THADA: variants seen among roughly 807,000 people sequenced by gnomAD.
THADA encodes the protein THADA armadillo repeat containing.
A neutral mutation model predicts 219.8 loss-of-function variants in THADA; 213 were observed. The observed-to-expected ratio is 0.97, with a 90% CI of 0.87 to 1.09. The LOEUF (loss-of-function observed/expected upper bound fraction) is 1.09. Among genes scored for constraint, THADA ranks in the 50% least tolerant of loss-of-function variants. THADA has a pLI of 0.00. For synonymous variants in THADA, 1,018 were observed against 828.9 expected, an observed-to-expected ratio of 1.23 and a Z score of -3.92; for missense variants, 2,956 against 2,311.3, an observed-to-expected ratio of 1.28 and a Z score of -5.72.
intron 35 of THADA, among the ~76,000 whole-genome samples, chr2:43,286,465 G>C (rs530792559): frequency 1.2e-4 from 18 of 152,344 alleles, no homozygotes; most frequent in African/African-American, 4.1e-4. Context: ...GGTGGTCTGG[G>C]AGTGGTGGCT....
intron 29 of THADA, among the ~76,000 whole-genome samples, chr2:43,352,557 A>C (rs1236104353): frequency 6.6e-6 from 1 of 152,060 alleles, no homozygotes; most frequent in Non-Finnish European, 1.5e-5. Flanking sequence ...GACTAAAAAA[A>C]AAATAATAAT....
At chr2:43,459,852 TAAAAAC>T (rs1683419636) in intron 26 of THADA, among the ~76,000 whole-genome samples, 1 of 152,120 alleles carries the variant, frequency 6.6e-6, no homozygotes, top group Non-Finnish European at 1.5e-5. Context: ...GCCTACTTTT[TAAAAAC>T]AAAAACAAAA....
chr2:43,433,976 A>G (rs942803018), intron 26 of THADA, among the ~76,000 whole-genome samples: 1 of 152,254 alleles, frequency 6.6e-6, no homozygotes, highest in Non-Finnish European at 1.5e-5. Flanking sequence ...GGCATGAGCC[A>G]CTGCGCTCAG....
At chr2:43,400,047 G>A (rs1210203796) in intron 28 of THADA, among the ~76,000 whole-genome samples, 3 of 152,064 alleles carry the variant, frequency 2.0e-5, no homozygotes, top group Admixed American at 2.0e-4. Context: ...TACCGAAAGG[G>A]CTCTTGTATA....
chr2:43,456,047 C>A (rs1682956923), intron 26 of THADA, among the ~76,000 whole-genome samples: 1 of 152,186 alleles, frequency 6.6e-6, no homozygotes, highest in African/African-American at 2.4e-5. Flanking sequence ...CCTTTCCCAA[C>A]AGAGACTCAT....
At position 43,514,620 on chromosome 2, in the gene THADA, T is replaced by A. The variant is rs1558887527; in HGVS notation, c.3375-5840A>T. ...ATATTTTATATATATTTTATATATT[T>A]TATATATATGTATATTTTATATATA... On this transcript the variant is annotated intron_variant, in intron 22 of 37. Transcript: ENST00000405975. Among the ~76,000 whole-genome samples the A allele has an allele frequency of 1.5e-3, 163 of 105,954 alleles. 12 individuals are homozygous for A. Among genetic ancestry groups the A allele is most frequent in the South Asian group, 4.8e-3 (19 of 3,924 alleles). The allele number at this position is 105,954 out of a possible 152,430, so 69.5% of individuals were successfully genotyped here.
At chr2:43,435,027 C>T (rs559124963) in intron 26 of THADA, among the ~76,000 whole-genome samples, 8 of 152,196 alleles carry the variant, frequency 5.3e-5, no homozygotes, top group South Asian at 2.1e-4. Context: ...CGCTAAGAAG[C>T]GAGCTACAAT....
At chr2:43,236,855 A>G (rs1668083304) in intron 36 of THADA, among the ~76,000 whole-genome samples, 1 of 150,754 alleles carries the variant, frequency 6.6e-6, no homozygotes, top group Non-Finnish European at 1.5e-5. Context: ...AGGTCAGGAT[A>G]TCGAGACCAT....
intron 25 of THADA, among the ~76,000 whole-genome samples, chr2:43,494,694 T>C (rs556764962): frequency 1.2e-4 from 19 of 152,330 alleles, no homozygotes; most frequent in Non-Finnish European, 1.8e-4. Flanking sequence ...AAGACAGCCA[T>C]TATTATGATT....
intron 2 of THADA, 52 bp downstream of exon 2, chr2:43,592,265 T>G (rs552767320): frequency 7.3e-7 from 1 of 1,368,228 alleles, no homozygotes; most frequent in South Asian, 1.3e-5. Context: ...ATTAAAATAC[T>G]CTGCTTGCAA....
chr2:43,424,339 A>G (rs1678132081), intron 28 of THADA, among the ~76,000 whole-genome samples: 1 of 152,196 alleles, frequency 6.6e-6, no homozygotes, highest in African/African-American at 2.4e-5. Flanking sequence ...CAACCTTTGC[A>G]CTACTCCCAC....
intron 28 of THADA, among the ~76,000 whole-genome samples, chr2:43,403,053 A>C (rs1675062254): frequency 6.6e-6 from 1 of 152,210 alleles, no homozygotes. Flanking sequence ...TATTTCATTA[A>C]TCTTCATTCC....
chr2:43,231,289 G>A lies in THADA; in HGVS notation c.5521C>T (p.Leu1841=). 6.3e-7 allele frequency: 1 copy of A among 1,591,236 alleles called. No individual in the cohort carries two copies. Among genetic ancestry groups the A allele is most frequent in the Non-Finnish European group, 8.5e-7 (1 of 1,172,028 alleles). The change falls in exon 38 of 38, where the codon CTG becomes TTG. Residue 1841 remains leucine (L), a synonymous_variant. Coordinates refer to ENST00000405975, the MANE Select transcript of THADA (RefSeq NM_022065.5). ...TTGCAGAGGTATTTCACAAAGATCAGGGTCTCGGCCCAAAAGTTGACTTCT... is the reference window on the plus strand; with the variant it reads ...TTGCAGAGGTATTTCACAAAGATCAAGGTCTCGGCCCAAAAGTTGACTTCT... ...KAEVNFWAET[L]IFVKYLCKHL...
intron 29 of THADA, among the ~76,000 whole-genome samples, chr2:43,382,213 T>A (rs1258968109): frequency 2.0e-5 from 3 of 152,320 alleles, no homozygotes; most frequent in South Asian, 2.1e-4. Context: ...TGAAAACTTG[T>A]GAAATCTGAA....
At chr2:43,480,550 G>A (rs556727753) in intron 26 of THADA, among the ~76,000 whole-genome samples, 2 of 152,056 alleles carry the variant, frequency 1.3e-5, no homozygotes, top group Non-Finnish European at 2.9e-5. Flanking sequence ...GGCCGCTCAC[G>A]CCTATAATCC....
chr2:43,444,077 A>G (rs770531291), intron 26 of THADA, among the ~76,000 whole-genome samples: 6 of 152,222 alleles, frequency 3.9e-5, no homozygotes, highest in Non-Finnish European at 7.3e-5. Context: ...TTCTAGCACT[A>G]TATGGTTATT....
chr2:43,323,346 T>C (rs1233175811), intron 30 of THADA, among the ~76,000 whole-genome samples: 2 of 152,152 alleles, frequency 1.3e-5, no homozygotes, highest in African/African-American at 4.8e-5. Context: ...GGTCTTGTTA[T>C]ATTGTCTAGC....
At chr2:43,367,666 G>A (rs1670320999) in intron 29 of THADA, among the ~76,000 whole-genome samples, 1 of 152,212 alleles carries the variant, frequency 6.6e-6, no homozygotes, top group Non-Finnish European at 1.5e-5. Flanking sequence ...TGTAGTAACT[G>A]TGGGGAAAGG....
intron 22 of THADA, among the ~76,000 whole-genome samples, chr2:43,523,483 C>A (rs1692757276): frequency 6.6e-6 from 1 of 152,180 alleles, no homozygotes; most frequent in African/African-American, 2.4e-5. Flanking sequence ...TATTTCTCAA[C>A]TGCATATTCT....
Sources: gnomAD v4.1 joint callset for allele counts (sites outside exome capture counted in the v4.1 genomes callset) on GRCh38, gnomAD v4.1.1 for gene constraint, MANE v1.5 for transcripts, NCBI Gene and HGNC (gene_info 2026-07-23, HGNC 2026-07-21) for gene names.